ZBTB40: variants seen among roughly 807,000 people sequenced by gnomAD.
ZBTB40 encodes zinc finger and BTB domain containing 40, also known as zinc finger and BTB domain-containing protein 40.
A neutral mutation model predicts 117.5 loss-of-function variants in ZBTB40; 60 were observed. That is an observed-to-expected ratio of 0.51 (90% confidence interval 0.41 to 0.63). The LOEUF is 0.63. Among genes scored for constraint, ZBTB40 ranks in the 30% least tolerant of loss-of-function variants. ZBTB40 has a pLI of 0.00. For synonymous variants in ZBTB40, 525 were observed against 577.1 expected, an observed-to-expected ratio of 0.91 and a Z score of 1.29; for missense variants, 1,287 against 1,498.5, an observed-to-expected ratio of 0.86 and a Z score of 2.33.
At chr1:22,469,336 T>A (rs140255251) in intron 1 of ZBTB40, among the ~76,000 whole-genome samples, 17 of 152,272 alleles carry the variant, frequency 1.1e-4, no homozygotes, top group African/African-American at 4.1e-4. Flanking sequence ...AGAGACACAG[T>A]CTCACTATGT....
chr1:22,433,413 A>G (rs1183153733), intron 1 of ZBTB40, among the ~76,000 whole-genome samples: 1 of 130,880 alleles, frequency 7.6e-6, no homozygotes, highest in African/African-American at 2.7e-5. Context: ...AGCCTGGGCG[A>G]CAGAGCAAGA....
intron 1 of ZBTB40, among the ~76,000 whole-genome samples, chr1:22,431,382 G>GTATATATATATA (rs1308135309): frequency 1.7e-3 from 27 of 15,508 alleles, no homozygotes; most frequent in African/African-American, 2.7e-3. Flanking sequence ...GTGTGTGTGT[G>GTATATATATATA]TGTATATATA....
chr1:22,484,509 G>A (rs531162763), intron 1 of ZBTB40, among the ~76,000 whole-genome samples: 1 of 152,208 alleles, frequency 6.6e-6, no homozygotes, highest in African/African-American at 2.4e-5. Context: ...TTACAACTTT[G>A]TTATAATCTC....
At chr1:22,430,014 T>A (rs1200889013) in intron 1 of ZBTB40, among the ~76,000 whole-genome samples, 1 of 152,194 alleles carries the variant, frequency 6.6e-6, no homozygotes, top group Admixed American at 6.5e-5. Flanking sequence ...ATAAAAAAAG[T>A]ATGATGTCTG....
chr1:22,489,584 A>G (rs1638565626), intron 1 of ZBTB40, among the ~76,000 whole-genome samples: 1 of 152,164 alleles, frequency 6.6e-6, no homozygotes, highest in Non-Finnish European at 1.5e-5. Flanking sequence ...TGGTCCTTCA[A>G]AGCTCCAATC....
At chr1:22,473,286 T>G (rs190719865) in intron 1 of ZBTB40, among the ~76,000 whole-genome samples, 1 of 152,134 alleles carries the variant, frequency 6.6e-6, no homozygotes, top group Non-Finnish European at 1.5e-5. Context: ...CACATTAAAG[T>G]GTGAGAAACT....
chr1:22,462,751 T>A (rs1426000644), intron 1 of ZBTB40, among the ~76,000 whole-genome samples: 1 of 152,216 alleles, frequency 6.6e-6, no homozygotes, highest in Non-Finnish European at 1.5e-5. Flanking sequence ...AGCCCAGCCG[T>A]CTTGTTATGA....
At position 22,503,072 on chromosome 1, in the gene ZBTB40, A is replaced by G. The variant is rs78481067; in HGVS notation, c.1167+631A>G. 1.7e-3 allele frequency among the ~76,000 whole-genome samples: 254 copies of G among 150,732 alleles called. 5 individuals carry two copies. In the East Asian group the frequency reaches 0.045, roughly 27 times the overall value. ...AATATCTTAATACATGTCTATACCTATAATATGGATTTCGTTTCTTTATCA... is the reference window on the plus strand; with the variant it reads ...AATATCTTAATACATGTCTATACCTGTAATATGGATTTCGTTTCTTTATCA... On this transcript the variant is annotated intron_variant, in intron 5 of 17. Transcript: ENST00000375647.
upstream of ZBTB40, among the ~76,000 whole-genome samples, chr1:22,449,051 T>G (rs2124372659): frequency 6.6e-6 from 1 of 152,156 alleles, no homozygotes; most frequent in Admixed American, 6.5e-5. Flanking sequence ...CCTGACCTCA[T>G]GATCCGCCTG....
At chr1:22,514,554 G>A (rs767690968) in intron 12 of ZBTB40, among the ~76,000 whole-genome samples, 1 of 152,092 alleles carries the variant, frequency 6.6e-6, no homozygotes, top group Non-Finnish European at 1.5e-5. Flanking sequence ...TGCTGGGGAC[G>A]CTTCCCATCA....
rs374204056 is a variant in ZBTB40 at position 22,506,108 on chromosome 1, C to A, written c.1227C>A (p.His409Gln). The A allele has an allele frequency of 5.6e-6, 9 of 1,614,036 alleles. No individual in the cohort carries two copies. Among genetic ancestry groups the A allele is most frequent in the Admixed American group, 1.7e-5 (1 of 59,998 alleles). ...TPKETIENLL[H>Q]RMTEEKTLTA... The stretch of plus-strand genomic sequence containing the variant: ...AGGAGACAATAGAAAATTTGTTGCA[C>A]AGAATGACTGAAGAGAAGACGCTGA... The change falls in exon 6 of 18, where the codon CAC becomes CAA. Residue 409 changes from histidine to glutamine, a missense_variant. Transcript: ENST00000375647.
At position 22,506,129 on chromosome 1, in the gene ZBTB40, G is replaced by C. The variant is rs371758282; in HGVS notation, c.1248G>C (p.Thr416=). The C allele has an allele frequency of 1.2e-6, 2 of 1,614,000 alleles. No individual in the cohort carries two copies. Among genetic ancestry groups the C allele is most frequent in the Non-Finnish European group, 1.7e-6 (2 of 1,180,014 alleles). ...NLLHRMTEEK[T]LTAEGLVKLL... ...TGCACAGAATGACTGAAGAGAAGAC[G>C]CTGACTGCTGAGGGTTTGGTAAAAC... The change falls in exon 6 of 18, where the codon ACG becomes ACC. Residue 416 remains threonine (T), a synonymous_variant. Coordinates refer to ENST00000375647, the MANE Select transcript of ZBTB40 (RefSeq NM_014870.4).
At chr1:22,464,778 G>A (rs371014242) in intron 1 of ZBTB40, among the ~76,000 whole-genome samples, 8 of 152,126 alleles carry the variant, frequency 5.3e-5, no homozygotes, top group African/African-American at 1.7e-4. Flanking sequence ...AATTATACAC[G>A]TATTCAGTTG....
intron 6 of ZBTB40, among the ~76,000 whole-genome samples, chr1:22,507,683 C>A (rs1055674817): frequency 1.3e-5 from 2 of 152,144 alleles, no homozygotes; most frequent in African/African-American, 4.8e-5. Flanking sequence ...TTGACAAACA[C>A]CCCCCCTTGA....
upstream of ZBTB40, among the ~76,000 whole-genome samples, chr1:22,450,947 CTG>C (rs1323491496): frequency 6.6e-6 from 1 of 152,218 alleles, no homozygotes; most frequent in Non-Finnish European, 1.5e-5. Flanking sequence ...GACAGGGTGA[CTG>C]TGTTCAGTGG....
intron 1 of ZBTB40, among the ~76,000 whole-genome samples, chr1:22,441,186 T>G (rs1335565445): frequency 6.6e-6 from 1 of 152,176 alleles, no homozygotes; most frequent in African/African-American, 2.4e-5. Flanking sequence ...ATTTTCTATT[T>G]CTTTGTGATT....
intron 10 of ZBTB40, 60 bp downstream of exon 10, chr1:22,511,407 G>A: frequency 1.3e-6 from 2 of 1,595,594 alleles, no homozygotes; most frequent in Non-Finnish European, 1.7e-6. Context: ...GTTTCTTGAA[G>A]AAAGAGACAG....
At chr1:22,460,194 A>G (rs1641099545) in intron 1 of ZBTB40, among the ~76,000 whole-genome samples, 1 of 152,134 alleles carries the variant, frequency 6.6e-6, no homozygotes, top group Admixed American at 6.5e-5. Flanking sequence ...TATTTGCTGA[A>G]TGGATGAATA....
Position 22,453,394 on chromosome 1 carries a change from G to A in ZBTB40, c.-70+1390G>A, listed in dbSNP as rs1347928150. 9.2e-5 allele frequency among the ~76,000 whole-genome samples: 14 copies of A among 152,134 alleles called. No homozygotes were observed. The South Asian group carries it at 2.1e-3, about 23-fold the overall frequency. On this transcript the variant is annotated intron_variant, in intron 1 of 17. Transcript: ENST00000375647. ...TGAGCACTTACTGTGTACCAGAGACGTTTCAAATTCCTGGAAATACAGTGG... is the reference window on the plus strand; with the variant it reads ...TGAGCACTTACTGTGTACCAGAGACATTTCAAATTCCTGGAAATACAGTGG...
Sources: allele counts gnomAD v4.1 joint callset (sites outside exome capture counted in the v4.1 genomes callset), GRCh38; gene constraint gnomAD v4.1.1; transcripts MANE v1.5; gene names NCBI Gene and HGNC (gene_info 2026-07-23, HGNC 2026-07-21).